The following FRYL variants were observed in gnomAD, a reference collection of about 807,000 sequenced individuals.
FRYL encodes the protein FRY like transcription coactivator, also known as protein furry homolog-like.
FRYL carries 150 observed loss-of-function variants against 351.2 expected under a neutral mutation model. The ratio of observed to expected loss-of-function variants is 0.43; its 90% CI spans 0.37 to 0.49. The LOEUF (loss-of-function observed/expected upper bound fraction) is 0.49. Ranked by LOEUF, FRYL falls within the 20% of genes least tolerant of loss-of-function variation. The pLI is 0.00. For synonymous variants in FRYL, 1,153 were observed against 1,257.1 expected (o/e 0.92, Z 1.75); for missense variants, 3,036 against 3,619.3 (o/e 0.84, Z 4.13).
intron 47 of FRYL, 36 bp from the exon 48 acceptor site, chr4:48,535,863 A>G (rs762420177): frequency 7.1e-7 from 1 of 1,402,272 alleles, no homozygotes; most frequent in South Asian, 1.7e-5. Context: ...TTCACCTAAA[A>G]TAAAGACACA....
At chr4:48,739,054 C>T (rs139718064) in intron 1 of FRYL, among the ~76,000 whole-genome samples, 310 of 152,218 alleles carry the variant, frequency 2.0e-3, no homozygotes, top group African/African-American at 7.0e-3. Context: ...GGTGAAAGAA[C>T]AGATAAACAG....
At chr4:48,693,814 G>A (rs1490615386) in intron 2 of FRYL, among the ~76,000 whole-genome samples, 1 of 152,022 alleles carries the variant, frequency 6.6e-6, no homozygotes, top group Non-Finnish European at 1.5e-5. Context: ...TTTATATTGT[G>A]CATTACAAGA....
intron 3 of FRYL, among the ~76,000 whole-genome samples, chr4:48,679,690 C>G (rs1234841612): frequency 4.8e-5 from 1 of 20,952 alleles, no homozygotes; most frequent in Non-Finnish European, 2.3e-4. Flanking sequence ...ATTGAATGTT[C>G]TAACACAAAG....
Position 48,499,324 on chromosome 4 carries a change from C to T in FRYL, c.*98G>A. 1 of 1,052,646 alleles carries T rather than the reference C, an allele frequency of 9.5e-7. No homozygotes were observed. The highest frequency in any genetic ancestry group is 1.5e-5 in the South Asian group (1 of 64,860). 65.2% of individuals were successfully genotyped at this position (1,052,646 alleles called of 1,614,324 possible). A position where few individuals can be genotyped will look rare whatever the true frequency, so the allele number is the denominator to read the frequency against. ...AGTTACACTAAAAAGTAGATGCTGC[C>T]AGAAAGTTATCAGTGAATGCAAGGG... On this transcript the variant is annotated 3_prime_UTR_variant, in exon 64 of 64. Coordinates refer to ENST00000358350, the MANE Select transcript of FRYL (RefSeq NM_015030.2).
intron 35 of FRYL, 74 bp from the exon 36 acceptor site, chr4:48,553,457 T>A (rs1733343533): frequency 9.5e-7 from 1 of 1,053,604 alleles, no homozygotes; most frequent in Non-Finnish European, 1.4e-6. Context: ...AGACAAACTT[T>A]ATCAGAGTAA....
intron 25 of FRYL, 133 bp downstream of exon 25, chr4:48,574,984 T>G (rs886435650): frequency 1.6e-6 from 1 of 611,644 alleles, no homozygotes; most frequent in African/African-American, 1.9e-5. Flanking sequence ...GCTAGTTAAT[T>G]GGTGAAAGTC....
At chr4:48,757,984 GA>G (rs1773976894) in intron 1 of FRYL, among the ~76,000 whole-genome samples, 1 of 152,154 alleles carries the variant, frequency 6.6e-6, no homozygotes, top group Admixed American at 6.5e-5. Context: ...AAGAAATGGA[GA>G]AAGGATTCCC....
At chr4:48,606,316 C>T in intron 10 of FRYL, 122 bp downstream of exon 10, 1 of 567,136 alleles carries the variant, frequency 1.8e-6, no homozygotes, top group Non-Finnish European at 2.9e-6. Context: ...CAACTTAACA[C>T]ATGGAATAAG....
intron 1 of FRYL, among the ~76,000 whole-genome samples, chr4:48,734,080 ATCAATGG>A (rs200722511): frequency 0.022 from 3,424 of 152,298 alleles, 59 homozygotes; most frequent in Non-Finnish European, 0.037. Context: ...CACTCTAAAC[ATCAATGG>A]TCTAAATGCA....
chr4:48,550,401 TA>T, intron 38 of FRYL, 190 bp downstream of exon 38: 4 of 546,850 alleles, frequency 7.3e-6, no homozygotes, highest in South Asian at 2.8e-5. Flanking sequence ...ACCAGTGCTT[TA>T]AAAAAAATTT....
chr4:48,615,334 T>C (rs1411080783), intron 7 of FRYL, among the ~76,000 whole-genome samples: 1 of 152,164 alleles, frequency 6.6e-6, no homozygotes, highest in African/African-American at 2.4e-5. Context: ...AGTCTGAAAA[T>C]GCAAATAATC....
chr4:48,681,132 G>T, intron 3 of FRYL: 1 of 1,221,288 alleles, frequency 8.2e-7, no homozygotes, highest in Non-Finnish European at 1.1e-6. Flanking sequence ...CCATTTTAAG[G>T]TTCTTCTACA....
At chr4:48,756,000 G>A (rs577288314) in intron 1 of FRYL, among the ~76,000 whole-genome samples, 1 of 151,534 alleles carries the variant, frequency 6.6e-6, no homozygotes, top group Non-Finnish European at 1.5e-5. Context: ...TTGGGAGGCC[G>A]AGGGAAGAGA....
chr4:48,633,915 C>T (rs1753745299), intron 4 of FRYL, among the ~76,000 whole-genome samples: 1 of 152,182 alleles, frequency 6.6e-6, no homozygotes, highest in East Asian at 1.9e-4. Flanking sequence ...TTCCCTCCTC[C>T]TCATCATGGG....
chr4:48,701,420 C>T (rs1198956876), intron 2 of FRYL, among the ~76,000 whole-genome samples: 1 of 151,992 alleles, frequency 6.6e-6, no homozygotes, highest in Non-Finnish European at 1.5e-5. Context: ...GCCACAGTTA[C>T]CCACACAAAA....
chr4:48,738,752 T>G (rs1417070992), intron 1 of FRYL, among the ~76,000 whole-genome samples: 1 of 151,646 alleles, frequency 6.6e-6, no homozygotes, highest in African/African-American at 2.4e-5. Flanking sequence ...GAAATCCTAT[T>G]GCCTCTGCCT....
intron 2 of FRYL, among the ~76,000 whole-genome samples, chr4:48,689,354 T>C (rs1435536270): frequency 6.6e-6 from 1 of 152,234 alleles, no homozygotes; most frequent in Non-Finnish European, 1.5e-5. Flanking sequence ...TATGTATTTT[T>C]AGAATAATTT....
intron 2 of FRYL, among the ~76,000 whole-genome samples, chr4:48,685,555 A>T (rs941376200): frequency 6.6e-6 from 1 of 152,194 alleles, no homozygotes; most frequent in Admixed American, 6.5e-5. Flanking sequence ...TATTTATCAC[A>T]TCTACAGATA....
chr4:48,731,763 T>C (rs1578860819), intron 1 of FRYL, among the ~76,000 whole-genome samples: 2 of 152,094 alleles, frequency 1.3e-5, no homozygotes, highest in South Asian at 2.1e-4. Flanking sequence ...CCCTTCCTTA[T>C]ACCTTATACA....
Sources: gnomAD v4.1 joint callset for allele counts (sites outside exome capture counted in the v4.1 genomes callset) on GRCh38, gnomAD v4.1.1 for gene constraint, MANE v1.5 for transcripts, NCBI Gene and HGNC (gene_info 2026-07-23, HGNC 2026-07-21) for gene names.